TBXAS1: variants seen among roughly 807,000 people sequenced by gnomAD.
TBXAS1 encodes the protein thromboxane A synthase 1.
TBXAS1 carries 48 observed loss-of-function variants against 60.7 expected under a neutral mutation model. The ratio of observed to expected loss-of-function variants is 0.79; its 90% CI spans 0.63 to 1.01. The LOEUF (loss-of-function observed/expected upper bound fraction) is 1.01. TBXAS1 is among the 50% of genes least tolerant of loss of function. The pLI, the probability that TBXAS1 is intolerant of heterozygous loss-of-function variation, is 0.00. For missense variants in TBXAS1, 685 were observed against 686.3 expected (o/e 1.00, Z 0.02); for synonymous variants, 287 against 269.7 (o/e 1.06, Z -0.63).
chr7:139,979,727 CAATAAT>C (rs58553105), intron 9 of TBXAS1, among the ~76,000 whole-genome samples: 23,636 of 139,564 alleles, frequency 0.17, 2,166 homozygotes, highest in East Asian at 0.36. Context: ...GATTCCATCT[CAATAAT>C]AATAATAATA....
At chr7:139,814,657 A>C (rs940984947) in intron 4 of TBXAS1, among the ~76,000 whole-genome samples, 55 of 152,264 alleles carry the variant, frequency 3.6e-4, no homozygotes, top group African/African-American at 1.3e-3. Context: ...GCTGAGCAAC[A>C]AGACAAAGCA....
chr7:139,955,718 T>A, intron 7 of TBXAS1, 111 bp downstream of exon 7: 1 of 1,498,620 alleles, frequency 6.7e-7, no homozygotes, highest in Non-Finnish European at 9.2e-7. Flanking sequence ...GAAAGGGCAC[T>A]CGGGTTGTTC....
chr7:139,888,278 C>G (rs1340000426), intron 3 of TBXAS1, among the ~76,000 whole-genome samples: 1 of 152,204 alleles, frequency 6.6e-6, no homozygotes. Flanking sequence ...CTTCAGCCCC[C>G]TCCAAGTTTC....
chr7:139,789,776 G>C (rs972850611), intron 4 of TBXAS1, among the ~76,000 whole-genome samples: 1 of 151,876 alleles, frequency 6.6e-6, no homozygotes, highest in Admixed American at 6.6e-5. Flanking sequence ...GATCACAGGT[G>C]CCTGCCACCA....
chr7:139,987,259 A>G (rs1812561678), intron 9 of TBXAS1, among the ~76,000 whole-genome samples: 1 of 152,176 alleles, frequency 6.6e-6, no homozygotes. Context: ...ACCATTGGGA[A>G]TAGAAAAGCA....
In TBXAS1 at chr7:139,846,382, C is replaced by T. The variant is rs116311058; in HGVS notation, c.89+16903C>T. ...CCTTAAGCAATAGATGTCAGGTCTC[C>T]GTGTCTCAGTTTCCCCATGTGTAAA... On this transcript the variant is annotated intron_variant, in intron 1 of 12. Coordinates refer to ENST00000448866, the MANE Select transcript of TBXAS1 (RefSeq NM_001061.7). 5.9e-3 allele frequency among the ~76,000 whole-genome samples: 899 copies of T among 152,244 alleles called. 8 individuals carry two copies. The highest frequency in any genetic ancestry group is 0.019 in the African/African-American group (787 of 41,532).
intron 1 of TBXAS1, among the ~76,000 whole-genome samples, chr7:139,869,398 A>AT (rs1208273935): frequency 6.6e-6 from 1 of 151,526 alleles, no homozygotes; most frequent in African/African-American, 2.4e-5. Flanking sequence ...TTATTTATTT[A>AT]TTTTTTTGAG....
chr7:139,971,593 G>C (rs1211577833), intron 9 of TBXAS1, among the ~76,000 whole-genome samples: 1 of 152,108 alleles, frequency 6.6e-6, no homozygotes. Context: ...TGGGTGCCAA[G>C]ACCTTCCTCT....
rs188951817 is a variant in TBXAS1, at chr7:139,866,123, C to T, written c.90-6112C>T. Reference sequence around the variant, plus strand: ...GCATTTGGTGCAAAGGATATACCAACGGTAGGACTAGCTGGGACAAACTTT... The same window carrying T: ...GCATTTGGTGCAAAGGATATACCAATGGTAGGACTAGCTGGGACAAACTTT... On this transcript the variant is annotated intron_variant, in intron 1 of 12. Coordinates refer to ENST00000448866, the MANE Select transcript of TBXAS1 (RefSeq NM_001061.7). Among the ~76,000 whole-genome samples, 235 of 152,208 alleles carry T rather than the reference C, an allele frequency of 1.5e-3. 1 individual carries two copies. Among genetic ancestry groups the T allele is most frequent in the African/African-American group, 4.9e-3 (204 of 41,542 alleles).
intron 5 of TBXAS1, chr7:139,952,778 G>T: frequency 7.5e-7 from 1 of 1,335,056 alleles, no homozygotes; most frequent in Non-Finnish European, 9.8e-7. Context: ...GAGGCATCTT[G>T]AAGTCAAGGT....
In TBXAS1 at chr7:139,962,206, A is replaced by G; in HGVS notation, c.1107A>G (p.Arg369=). Residue 369 remains arginine, a synonymous_variant, in exon 9 of 13, where the codon AGA becomes AGG. Coordinates refer to ENST00000448866, the MANE Select transcript of TBXAS1 (RefSeq NM_001061.7). The part of the protein sequence containing the change: ...TNPDCQEKLL[R]EVDVFKEKHM... ...CTGACTGCCAAGAGAAGCTTCTGAG[A>G]GAGGTAGACGTTTTTAAGGAGAAAC... The G allele has an allele frequency of 1.2e-6, 2 of 1,614,226 alleles. No individual in the cohort carries two copies. The highest frequency in any genetic ancestry group is 1.6e-4 in the Middle Eastern group (1 of 6,062).
chr7:140,010,062 A>C, intron 10 of TBXAS1, among the ~76,000 whole-genome samples: 1 of 111,610 alleles, frequency 9.0e-6, no homozygotes, highest in Non-Finnish European at 1.9e-5. Flanking sequence ...CCCGCCCCAC[A>C]CCTGCTCCAC....
intron 4 of TBXAS1, among the ~76,000 whole-genome samples, chr7:139,822,939 CT>C (rs1798337332): frequency 6.6e-6 from 1 of 152,094 alleles, no homozygotes; most frequent in South Asian, 2.1e-4. Flanking sequence ...TCAATTTTAC[CT>C]CCTGCTCTGG....
At chr7:139,923,918 T>C (rs1368832516) in intron 4 of TBXAS1, among the ~76,000 whole-genome samples, 1 of 152,186 alleles carries the variant, frequency 6.6e-6, no homozygotes, top group African/African-American at 2.4e-5. Flanking sequence ...GCCTGGCTTA[T>C]TTCGTTTAAC....
chr7:139,843,024 A>G (rs1003916340), intron 1 of TBXAS1, among the ~76,000 whole-genome samples: 21 of 152,160 alleles, frequency 1.4e-4, no homozygotes, highest in African/African-American at 5.1e-4. Context: ...CCAGCGCCAT[A>G]CCCCGAAACC....
chr7:139,831,454 A>G (rs1798695220), intron 1 of TBXAS1, among the ~76,000 whole-genome samples: 1 of 152,222 alleles, frequency 6.6e-6, no homozygotes, highest in South Asian at 2.1e-4. Context: ...TGGAAGAGAC[A>G]GGGGTGCTTT....
At position 139,895,238 on chromosome 7, in the gene TBXAS1, G is replaced by A. The variant is rs1434088866; in HGVS notation, c.237-15987G>A. ...GGGAATGGTTGGGGGAATGGAAGTT[G>A]TGGCTGGAGAGAGGGACACAGATGG... On this transcript the variant is annotated intron_variant, in intron 3 of 12. Coordinates refer to ENST00000448866, the MANE Select transcript of TBXAS1 (RefSeq NM_001061.7). Among the ~76,000 whole-genome samples the A allele has an allele frequency of 2.6e-5, 4 of 152,236 alleles. No individual in the cohort carries two copies. The South Asian group carries it at 6.2e-4, about 24-fold the overall frequency.
At chr7:139,789,457 G>A (rs1797309393) in intron 4 of TBXAS1, 1 of 152,096 alleles carries the variant, frequency 6.6e-6, no homozygotes, top group Non-Finnish European at 1.5e-5. Context: ...GTGTTGCCCA[G>A]GCTGGTCTAG....
chr7:139,779,838 C>G (rs950866051), intron 1 of TBXAS1, among the ~76,000 whole-genome samples: 1 of 152,234 alleles, frequency 6.6e-6, no homozygotes, highest in Admixed American at 6.5e-5. Context: ...CACTGCTTCT[C>G]TAGCCAAACT....
Sources: gnomAD v4.1 joint callset for allele counts (sites outside exome capture counted in the v4.1 genomes callset) on GRCh38, gnomAD v4.1.1 for gene constraint, MANE v1.5 for transcripts, NCBI Gene and HGNC (gene_info 2026-07-23, HGNC 2026-07-21) for gene names.